CACNA2D1: variants seen among roughly 807,000 people sequenced by gnomAD.
CACNA2D1 encodes calcium voltage-gated channel auxiliary subunit alpha2delta 1.
A neutral mutation model predicts 171.5 loss-of-function variants in CACNA2D1; 53 were observed. The ratio of observed to expected loss-of-function variants is 0.31; its 90% CI spans 0.25 to 0.39. The LOEUF is 0.39. CACNA2D1 is among the 10% of genes least tolerant of loss of function. The pLI, the probability that CACNA2D1 is intolerant of heterozygous loss-of-function variation, is 1.00. For synonymous variants in CACNA2D1, 442 were observed against 443.1 expected (o/e 1.00, Z 0.03); for missense variants, 903 against 1,299.8 (o/e 0.69, Z 4.69).
chr7:81,970,835 A>T, intron 26 of CACNA2D1, 98 bp from the exon 27 acceptor site: 1 of 772,378 alleles, frequency 1.3e-6, no homozygotes, highest in Non-Finnish European at 2.4e-6. Context: ...TTTAGGAAGT[A>T]AAGGAAATAT....
chr7:82,005,911 C>A, intron 16 of CACNA2D1, 72 bp from the exon 17 acceptor site: 1 of 897,648 alleles, frequency 1.1e-6, no homozygotes, highest in South Asian at 1.3e-5. Flanking sequence ...ATCATATGAT[C>A]ATCTTTTGCT....
intron 3 of CACNA2D1, among the ~76,000 whole-genome samples, chr7:82,231,624 A>G (rs538713221): frequency 6.6e-6 from 1 of 152,290 alleles, no homozygotes; most frequent in South Asian, 2.1e-4. Context: ...GCCTCAGAGG[A>G]AAAATGTACT....
At chr7:82,390,781 T>C (rs1428006567) in intron 1 of CACNA2D1, among the ~76,000 whole-genome samples, 1 of 152,114 alleles carries the variant, frequency 6.6e-6, no homozygotes, top group East Asian at 1.9e-4. Context: ...GTATCCAATA[T>C]AGAAAACATG....
chr7:82,052,896 A>G (rs35733898), intron 10 of CACNA2D1, among the ~76,000 whole-genome samples: 1 of 152,136 alleles, frequency 6.6e-6, no homozygotes, highest in Admixed American at 6.5e-5. Context: ...AGTATTATCA[A>G]CCTCACAGGG....
At chr7:82,203,830 T>C (rs572711859) in intron 3 of CACNA2D1, among the ~76,000 whole-genome samples, 1 of 152,224 alleles carries the variant, frequency 6.6e-6, no homozygotes, top group South Asian at 2.1e-4. Context: ...TGGGCTACAG[T>C]CATCGTGCAG....
chr7:82,346,756 C>T (rs1417821083), intron 2 of CACNA2D1, among the ~76,000 whole-genome samples: 2 of 151,880 alleles, frequency 1.3e-5, no homozygotes, highest in Non-Finnish European at 2.9e-5. Flanking sequence ...AGAGCTTTGG[C>T]TTCTTCTAAT....
chr7:82,069,713 C>CTT (rs3839803), intron 7 of CACNA2D1, among the ~76,000 whole-genome samples: 78 of 150,276 alleles, frequency 5.2e-4, no homozygotes, highest in South Asian at 6.4e-4. Flanking sequence ...CGAAGTACCC[C>CTT]TTTTTTTTTT....
chr7:82,047,419 A>C (rs1284561170), intron 10 of CACNA2D1, among the ~76,000 whole-genome samples: 1 of 152,196 alleles, frequency 6.6e-6, no homozygotes, highest in East Asian at 1.9e-4. Flanking sequence ...TTGAAAAATA[A>C]ACTAAAACAG....
intron 1 of CACNA2D1, among the ~76,000 whole-genome samples, chr7:82,404,397 C>G (rs1020852067): frequency 1.3e-5 from 2 of 152,134 alleles, no homozygotes; most frequent in Non-Finnish European, 2.9e-5. Context: ...CTTTCCGAAG[C>G]CTGGAACTGT....
At chr7:82,045,052 C>T (rs933736613) in intron 10 of CACNA2D1, among the ~76,000 whole-genome samples, 1 of 151,974 alleles carries the variant, frequency 6.6e-6, no homozygotes, top group African/African-American at 2.4e-5. Flanking sequence ...GACTTAGCTG[C>T]ATTTTTGTAT....
At chr7:82,145,270 A>G (rs1792855459) in intron 4 of CACNA2D1, among the ~76,000 whole-genome samples, 2 of 145,914 alleles carry the variant, frequency 1.4e-5, no homozygotes, top group South Asian at 4.2e-4. Flanking sequence ...TATAAAATAT[A>G]TAAAATAAAA....
rs1373266023 is a variant in CACNA2D1, at chr7:81,947,838, G to A, written c.*2554C>T. ...AGCATGAAGACTAATATTAGTCATG[G>A]GAACAACTTTTATTCAGCTTGTTCT... is the stretch of plus-strand genomic sequence containing the variant. On this transcript the variant is annotated 3_prime_UTR_variant, in exon 39 of 39. Transcript: ENST00000356860. The A allele has an allele frequency of 1.3e-5, 2 of 151,712 alleles. No individual in the cohort carries two copies. The highest frequency in any genetic ancestry group is 4.8e-5 in the African/African-American group (2 of 41,384). 9.4% of individuals were successfully genotyped at this position (151,712 alleles called of 1,614,324 possible). A position where few individuals can be genotyped will look rare whatever the true frequency, so the allele number is the denominator to read the frequency against.
At chr7:82,092,400 C>T (rs900192782) in intron 6 of CACNA2D1, among the ~76,000 whole-genome samples, 1 of 151,698 alleles carries the variant, frequency 6.6e-6, no homozygotes, top group East Asian at 1.9e-4. Context: ...GAGACAGAGT[C>T]TCATTCTGTC....
At chr7:82,117,383 A>T (rs1216179496) in intron 5 of CACNA2D1, among the ~76,000 whole-genome samples, 4 of 152,180 alleles carry the variant, frequency 2.6e-5, no homozygotes, top group African/African-American at 9.7e-5. Flanking sequence ...TCACATTATA[A>T]CTAACCACTC....
intron 7 of CACNA2D1, among the ~76,000 whole-genome samples, chr7:82,067,907 T>G (rs1268693246): frequency 2.6e-5 from 4 of 152,208 alleles, no homozygotes; most frequent in Admixed American, 6.5e-5. Context: ...ATACATTTCC[T>G]GCCACTCAAC....
intron 1 of CACNA2D1, among the ~76,000 whole-genome samples, chr7:82,380,435 A>G (rs1823564628): frequency 6.6e-6 from 1 of 152,100 alleles, no homozygotes; most frequent in Non-Finnish European, 1.5e-5. Flanking sequence ...TGATCATTCA[A>G]TTTTTGATGT....
chr7:82,038,983 A>G (rs1803638232), intron 10 of CACNA2D1, among the ~76,000 whole-genome samples: 1 of 152,204 alleles, frequency 6.6e-6, no homozygotes, highest in African/African-American at 2.4e-5. Flanking sequence ...TATTTCCAAA[A>G]AGAAAGAACA....
intron 38 of CACNA2D1, among the ~76,000 whole-genome samples, chr7:81,954,996 C>T (rs932484926): frequency 6.6e-6 from 1 of 152,052 alleles, no homozygotes; most frequent in African/African-American, 2.4e-5. Context: ...AGATTATGTA[C>T]CCAATAATAT....
Position 81,997,239 on chromosome 7 carries a change from A to G in CACNA2D1, c.1602T>C (p.Ser534=), listed in dbSNP as rs750302005. ...HPNLQPKNPK[S]QEPVTLDFLD... ...GGAAATCCAATGTTACTGGCTCCTG[A>G]GATTTGGGGTTCTACACAGAAAACA... Residue 534 remains serine, a synonymous_variant, in exon 19 of 39, where the codon TCT becomes TCC. Transcript: ENST00000356860. 9.4e-6 allele frequency: 15 copies of G among 1,599,310 alleles called. No individual in the cohort carries two copies. The highest frequency in any genetic ancestry group is 1.7e-5 in the Admixed American group (1 of 59,958).
Sources: allele counts gnomAD v4.1 joint callset (sites outside exome capture counted in the v4.1 genomes callset), GRCh38; gene constraint gnomAD v4.1.1; transcripts MANE v1.5; gene names NCBI Gene and HGNC (gene_info 2026-07-23, HGNC 2026-07-21).